The following TRPS1 variants were observed in gnomAD, a reference collection of about 807,000 sequenced individuals.
TRPS1 encodes transcriptional repressor GATA binding 1.
A neutral mutation model predicts 101.2 loss-of-function variants in TRPS1; 6 were observed. That is an observed-to-expected ratio of 0.06 (90% confidence interval 0.03 to 0.12). The LOEUF (loss-of-function observed/expected upper bound fraction) is 0.12. TRPS1 is among the 10% of genes least tolerant of loss of function. The pLI, the probability that TRPS1 is intolerant of heterozygous loss-of-function variation, is 1.00. For synonymous variants in TRPS1, 578 were observed against 589.8 expected, an observed-to-expected ratio of 0.98 and a Z score of 0.29; for missense variants, 1,363 against 1,567.0, an observed-to-expected ratio of 0.87 and a Z score of 2.20.
chr8:115,561,118 A>G (rs983573668), intron 5 of TRPS1, among the ~76,000 whole-genome samples: 1 of 152,200 alleles, frequency 6.6e-6, no homozygotes, highest in Admixed American at 6.5e-5. Flanking sequence ...TATTTTATAA[A>G]CAAAACCTCT....
intron 5 of TRPS1, among the ~76,000 whole-genome samples, chr8:115,555,864 CAAACA>C (rs780610366): frequency 0.016 from 1,239 of 76,860 alleles, 8 homozygotes; most frequent in Admixed American, 0.022. Context: ...AACAAACAAA[CAAACA>C]AAAAAAAAAG....
At chr8:115,547,556 T>A (rs779433353) in intron 5 of TRPS1, among the ~76,000 whole-genome samples, 1 of 152,154 alleles carries the variant, frequency 6.6e-6, no homozygotes, top group Admixed American at 6.5e-5. Context: ...GTGTTTCAAA[T>A]AGAAGGCAGT....
At chr8:115,424,010 A>G (rs1813130863) in intron 5 of TRPS1, among the ~76,000 whole-genome samples, 2 of 152,218 alleles carry the variant, frequency 1.3e-5, no homozygotes, top group Admixed American at 1.3e-4. Flanking sequence ...ATTTACAGAC[A>G]TGGATATTCA....
At chr8:115,599,105 GTA>G (rs979826573) in intron 4 of TRPS1, among the ~76,000 whole-genome samples, 11 of 152,084 alleles carry the variant, frequency 7.2e-5, no homozygotes, top group Non-Finnish European at 1.2e-4. Context: ...CTGATTAGAT[GTA>G]TGTTACAATA....
At chr8:115,494,637 C>G (rs568516739) in intron 5 of TRPS1, among the ~76,000 whole-genome samples, 1 of 152,288 alleles carries the variant, frequency 6.6e-6, no homozygotes, top group Non-Finnish European at 1.5e-5. Flanking sequence ...TACTTGTAAG[C>G]CTATTTTTTT....
chr8:115,462,670 A>G (rs1269381798), intron 5 of TRPS1, among the ~76,000 whole-genome samples: 4 of 149,302 alleles, frequency 2.7e-5, no homozygotes, highest in African/African-American at 5.0e-5. Context: ...TCATCTCAAG[A>G]AATCAAAGGC....
At chr8:115,518,652 C>T (rs187244300) in intron 5 of TRPS1, among the ~76,000 whole-genome samples, 32 of 151,850 alleles carry the variant, frequency 2.1e-4, no homozygotes, top group African/African-American at 6.5e-4. Context: ...GCATCAACCC[C>T]TGTAGATGTT....
rs73705202 is a variant in TRPS1, at chr8:115,447,133, T to C, written c.2701-28681A>G. Among the ~76,000 whole-genome samples the C allele has an allele frequency of 8.2e-3, 1,243 of 152,212 alleles. 21 individuals carry two copies. The highest frequency in any genetic ancestry group is 0.029 in the African/African-American group (1,189 of 41,542). ...GTAGTGAGTCTCAGACATGCTCAAG[T>C]TTGAGAGTCACTTCCAGTCTTTTAG... On this transcript the variant is annotated intron_variant, in intron 5 of 6. Transcript: ENST00000395715.
intron 5 of TRPS1, among the ~76,000 whole-genome samples, chr8:115,467,322 C>T (rs1340586876): frequency 1.3e-5 from 2 of 151,852 alleles, no homozygotes; most frequent in Admixed American, 6.6e-5. Flanking sequence ...TATGGCAAAA[C>T]CCACTCAATG....
chr8:115,658,152 C>G (rs1338004710), intron 1 of TRPS1, among the ~76,000 whole-genome samples: 2 of 152,094 alleles, frequency 1.3e-5, no homozygotes, highest in African/African-American at 2.4e-5. Flanking sequence ...TGCCCATGAT[C>G]TCTGCTTACT....
intron 5 of TRPS1, among the ~76,000 whole-genome samples, chr8:115,550,295 A>G (rs2130336774): frequency 6.6e-6 from 1 of 152,274 alleles, no homozygotes; most frequent in South Asian, 2.1e-4. Context: ...TGTAACAATA[A>G]CAAAAGAGGG....
chr8:115,519,358 T>A lies in TRPS1; in HGVS notation c.2700+67643A>T, dbSNP rs185668068. On this transcript the variant is annotated intron_variant, in intron 5 of 6. Transcript: ENST00000395715. ...TAGTCATCTTTTAAACTTAAATTTT[T>A]AATTAATTTTGAAATCCACTACGTA... 2.8e-4 allele frequency among the ~76,000 whole-genome samples: 43 copies of A among 151,802 alleles called. 1 individual carries two copies. The highest frequency in any genetic ancestry group is 9.2e-4 in the African/African-American group (38 of 41,500).
Position 115,628,833 on chromosome 8 carries a change from G to A in TRPS1, c.-121-5075C>T, listed in dbSNP as rs1586473888. 4.0e-5 allele frequency among the ~76,000 whole-genome samples: 6 copies of A among 151,804 alleles called. 1 individual carries two copies. Among genetic ancestry groups the A allele is most frequent in the Admixed American group, 3.9e-4 (6 of 15,212 alleles). ...TCTCTAGACTCTTCCCATAATATTA[G>A]CTTCAAAAAAAGAAAATGAAAGGAG... On this transcript the variant is annotated intron_variant, in intron 1 of 6. Transcript: ENST00000395715.
At chr8:115,559,711 G>A (rs2178948) in intron 5 of TRPS1, among the ~76,000 whole-genome samples, 105,352 of 151,946 alleles carry the variant, frequency 0.69, 37,990 homozygotes, top group African/African-American at 0.89. Flanking sequence ...TTAAAATTTG[G>A]AATCAAATTT....
intron 5 of TRPS1, among the ~76,000 whole-genome samples, chr8:115,478,238 A>G (rs1259213310): frequency 6.6e-6 from 1 of 152,204 alleles, no homozygotes; most frequent in Non-Finnish European, 1.5e-5. Context: ...ATTCAAATTT[A>G]TATTCCTTTT....
chr8:115,521,768 G>T (rs1586360180), intron 5 of TRPS1, among the ~76,000 whole-genome samples: 1 of 151,836 alleles, frequency 6.6e-6, no homozygotes, highest in East Asian at 1.9e-4. Flanking sequence ...CTTGAATAAG[G>T]ATATAAACCA....
chr8:115,441,995 C>T (rs1187562679), intron 5 of TRPS1, among the ~76,000 whole-genome samples: 1 of 151,852 alleles, frequency 6.6e-6, no homozygotes, highest in Non-Finnish European at 1.5e-5. Context: ...CTTTGAAGCA[C>T]CAGCATAACT....
intron 1 of TRPS1, among the ~76,000 whole-genome samples, chr8:115,650,461 T>C (rs574093964): frequency 6.0e-4 from 91 of 152,314 alleles, no homozygotes; most frequent in African/African-American, 2.0e-3. Context: ...CCCATGTCCA[T>C]AGAGATTGGG....
intron 1 of TRPS1, among the ~76,000 whole-genome samples, chr8:115,655,726 A>G (rs1302209298): frequency 6.6e-6 from 1 of 152,186 alleles, no homozygotes; most frequent in Non-Finnish European, 1.5e-5. Context: ...GAAAAGAGCT[A>G]CTGAACTTTT....
Sources: gnomAD v4.1 joint callset for allele counts (sites outside exome capture counted in the v4.1 genomes callset) on GRCh38, gnomAD v4.1.1 for gene constraint, MANE v1.5 for transcripts, NCBI Gene and HGNC (gene_info 2026-07-23, HGNC 2026-07-21) for gene names.